The following FGF12 variants were observed in gnomAD, a reference collection of about 807,000 sequenced individuals.
The protein encoded by FGF12 is fibroblast growth factor 12.
A neutral mutation model predicts 23.6 loss-of-function variants in FGF12; 14 were observed. That is an observed-to-expected ratio of 0.59 (90% CI 0.39 to 0.93). The LOEUF is 0.93. Among genes scored for constraint, FGF12 ranks in the 40% least tolerant of loss-of-function variants. FGF12 has a pLI of 0.00. For missense variants in FGF12, 175 were observed against 217.8 expected, an observed-to-expected ratio of 0.80 and a Z score of 1.24; for synonymous variants, 62 against 77.3, an observed-to-expected ratio of 0.80 and a Z score of 1.04.
intron 4 of FGF12, among the ~76,000 whole-genome samples, chr3:192,195,092 G>A (rs139196869): frequency 3.3e-4 from 51 of 152,314 alleles, no homozygotes; most frequent in Admixed American, 1.9e-3. Context: ...AGTCCTATAC[G>A]TAGCCCGGAG....
chr3:192,564,484 C>T (rs1712192321), intron 2 of FGF12, among the ~76,000 whole-genome samples: 1 of 152,194 alleles, frequency 6.6e-6, no homozygotes, highest in African/African-American at 2.4e-5. Context: ...GACTTTCCAA[C>T]ACAAGCCAGC....
intron 2 of FGF12, among the ~76,000 whole-genome samples, chr3:192,466,894 A>G: frequency 6.6e-6 from 1 of 152,252 alleles, no homozygotes; most frequent in East Asian, 1.9e-4. Flanking sequence ...TTATACCAGC[A>G]AAGAAGTTGC....
At chr3:192,536,655 T>G (rs547498837) in intron 2 of FGF12, among the ~76,000 whole-genome samples, 13 of 152,204 alleles carry the variant, frequency 8.5e-5, no homozygotes, top group African/African-American at 3.1e-4. Context: ...GATATTTTGA[T>G]TTTTTTAACT....
intron 2 of FGF12, among the ~76,000 whole-genome samples, chr3:192,571,942 G>C (rs74989138): frequency 6.9e-6 from 1 of 143,914 alleles, no homozygotes; most frequent in African/African-American, 2.6e-5. Context: ...CACTATTGCT[G>C]TTTTTTTTTT....
intron 4 of FGF12, among the ~76,000 whole-genome samples, chr3:192,241,981 G>T (rs1022743207): frequency 6.6e-6 from 1 of 152,088 alleles, no homozygotes; most frequent in African/African-American, 2.4e-5. Flanking sequence ...ATAAAAATAC[G>T]TTGCATCAGT....
chr3:192,375,986 T>C (rs1222188906), intron 2 of FGF12, among the ~76,000 whole-genome samples: 1 of 152,164 alleles, frequency 6.6e-6, no homozygotes, highest in Non-Finnish European at 1.5e-5. Context: ...ATTACTATAA[T>C]ATTCCCAGGT....
intron 4 of FGF12, among the ~76,000 whole-genome samples, chr3:192,297,596 T>C (rs1026908438): frequency 2.0e-5 from 3 of 152,178 alleles, no homozygotes; most frequent in Non-Finnish European, 4.4e-5. Context: ...CCACTTAGAA[T>C]TTATATAGGC....
chr3:192,663,633 A>G (rs1716750769), intron 2 of FGF12, among the ~76,000 whole-genome samples: 1 of 152,206 alleles, frequency 6.6e-6, no homozygotes, highest in South Asian at 2.1e-4. Flanking sequence ...AAGTCACTTA[A>G]AAGTCAAATT....
At chr3:192,545,673 T>C (rs1725477889) in intron 2 of FGF12, among the ~76,000 whole-genome samples, 1 of 152,250 alleles carries the variant, frequency 6.6e-6, no homozygotes, top group Non-Finnish European at 1.5e-5. Flanking sequence ...CAGAGGGTTC[T>C]TTTATGGATA....
intron 2 of FGF12, among the ~76,000 whole-genome samples, chr3:192,648,081 T>C (rs543349756): frequency 9.2e-5 from 14 of 152,166 alleles, no homozygotes; most frequent in Admixed American, 3.3e-4. Context: ...CTCACACTTC[T>C]AGGAGGTGGC....
chr3:192,446,512 A>T (rs1722359763), intron 2 of FGF12, among the ~76,000 whole-genome samples: 1 of 152,244 alleles, frequency 6.6e-6, no homozygotes, highest in African/African-American at 2.4e-5. Context: ...GAATGACAAC[A>T]TGTATCAAAT....
intron 2 of FGF12, among the ~76,000 whole-genome samples, chr3:192,713,469 G>T (rs1050233881): frequency 3.3e-5 from 5 of 152,104 alleles, no homozygotes; most frequent in African/African-American, 7.2e-5. Context: ...GAAAAAGAAA[G>T]AAGAAATCAC....
intron 2 of FGF12, among the ~76,000 whole-genome samples, chr3:192,507,176 G>A (rs1261245760): frequency 3.3e-5 from 5 of 152,142 alleles, no homozygotes; most frequent in African/African-American, 1.2e-4. Flanking sequence ...ACAGGCGTGA[G>A]CCACTGTGCC....
At chr3:192,224,920 A>C (rs1385104638) in intron 4 of FGF12, among the ~76,000 whole-genome samples, 1 of 152,078 alleles carries the variant, frequency 6.6e-6, no homozygotes, top group Non-Finnish European at 1.5e-5. Flanking sequence ...ACTACTTGTT[A>C]AAATAGAAAT....
At chr3:192,546,893 A>C (rs1725509249) in intron 2 of FGF12, among the ~76,000 whole-genome samples, 1 of 152,070 alleles carries the variant, frequency 6.6e-6, no homozygotes, top group Non-Finnish European at 1.5e-5. Flanking sequence ...CTACTAAAAA[A>C]TACAAAAATT....
intron 2 of FGF12, among the ~76,000 whole-genome samples, chr3:192,681,016 G>C (rs1039817967): frequency 6.6e-6 from 1 of 152,160 alleles, no homozygotes; most frequent in Non-Finnish European, 1.5e-5. Context: ...CAGGTTATTT[G>C]GTTGTTCAAT....
rs1269962106 is a variant in FGF12 at position 192,261,694 on chromosome 3, TTA to T, written c.228+73665_228+73666del. On this transcript the variant is annotated intron_variant, in intron 4 of 5. Coordinates refer to ENST00000445105, the MANE Select transcript of FGF12 (RefSeq NM_004113.6). ...AATCTTTTTTGCTTACATCATGAGC[TTA>T]CATCGAACACAGTGGTTACAAATAG... 8.6e-4 allele frequency among the ~76,000 whole-genome samples: 131 copies of T among 152,282 alleles called. 2 individuals carry two copies. Among genetic ancestry groups the T allele is most frequent in the African/African-American group, 3.0e-3 (126 of 41,564 alleles).
chr3:192,630,786 C>T (rs961804778), intron 2 of FGF12, among the ~76,000 whole-genome samples: 1 of 151,680 alleles, frequency 6.6e-6, no homozygotes, highest in Non-Finnish European at 1.5e-5. Context: ...CCTCAATCTC[C>T]TGACCTCGAG....
chr3:192,284,875 G>A (rs758791665), intron 4 of FGF12, among the ~76,000 whole-genome samples: 1 of 151,938 alleles, frequency 6.6e-6, no homozygotes, highest in South Asian at 2.1e-4. Context: ...ATTGGCCCTG[G>A]TGTTATGCAG....
Sources: allele counts gnomAD v4.1 joint callset (sites outside exome capture counted in the v4.1 genomes callset), GRCh38; gene constraint gnomAD v4.1.1; transcripts MANE v1.5; gene names NCBI Gene and HGNC (gene_info 2026-07-23, HGNC 2026-07-21).